MERTK: variants seen among roughly 807,000 people sequenced by gnomAD.
MERTK encodes the protein tyrosine-protein kinase Mer.
Under a neutral mutation model 99.3 loss-of-function variants are expected in MERTK, and 69 were observed. That is an observed-to-expected ratio of 0.70 (90% CI 0.57 to 0.85). MERTK has a LOEUF of 0.85. Ranked by LOEUF, MERTK falls within the 40% of genes least tolerant of loss-of-function variation. MERTK has a pLI of 0.00. For synonymous variants in MERTK, 426 were observed against 467.6 expected (o/e 0.91, Z 1.15); for missense variants, 1,125 against 1,249.4 (o/e 0.90, Z 1.50).
rs543045364 is a variant in MERTK, at chr2:111,905,561, G to A, written c.61+6765G>A. Among the ~76,000 whole-genome samples the A allele has an allele frequency of 6.5e-4, 96 of 148,226 alleles. 1 individual carries two copies. The highest frequency in any genetic ancestry group is 2.3e-3 in the African/African-American group (94 of 40,360). ...GATTGAACCCAGGGTTCAACCTCCT[G>A]GGTTCAAGCGGTTCTCCTGTCTCAG... On this transcript the variant is annotated intron_variant, in intron 1 of 18. Transcript: ENST00000295408.
chr2:112,008,076 C>T (rs1677021114), intron 13 of MERTK, among the ~76,000 whole-genome samples: 1 of 152,128 alleles, frequency 6.6e-6, no homozygotes, highest in South Asian at 2.1e-4. Flanking sequence ...CCATATTTTA[C>T]ATTAGGGTTC....
chr2:111,925,290 ATATTTTTTTTTTTTTT>A (rs1684538083), intron 1 of MERTK, among the ~76,000 whole-genome samples: 1 of 31,508 alleles, frequency 3.2e-5, no homozygotes, highest in South Asian at 1.3e-3. Flanking sequence ...ATATATATAT[ATATTTTTTTTTTTTTT>A]TTTTTTTTTT....
chr2:112,022,487 A>G (rs6735717), intron 18 of MERTK, 93 bp downstream of exon 18: 65,737 of 1,580,890 alleles, frequency 0.042, 2,221 homozygotes, highest in African/African-American at 0.18. Context: ...GGGAGGGGAA[A>G]GGGACTGCTG....
intron 1 of MERTK, among the ~76,000 whole-genome samples, chr2:111,918,348 G>A (rs1030819534): frequency 3.3e-5 from 5 of 152,180 alleles, no homozygotes; most frequent in African/African-American, 1.2e-4. Flanking sequence ...CGGCTTTTTA[G>A]TAATAGTAAT....
chr2:111,982,998 G>A lies in MERTK; in HGVS notation c.1296+5G>A, dbSNP rs1553454799. The A allele has an allele frequency of 6.2e-7, 1 of 1,611,080 alleles. No homozygotes were observed. Among genetic ancestry groups the A allele is most frequent in the Non-Finnish European group, 8.5e-7 (1 of 1,179,118 alleles). On this transcript the variant is annotated splice_donor_5th_base_variant and intron_variant, in intron 8 of 18. Coordinates refer to ENST00000295408, the MANE Select transcript of MERTK (RefSeq NM_006343.3). ...TGGCAGAGTGCAGGGATTTCCGTAA[G>A]TCTAAACCCTAGAAGAGCACGATTA...
chr2:112,019,365 T>C, intron 15 of MERTK, 48 bp from the exon 16 acceptor site: 1 of 1,446,228 alleles, frequency 6.9e-7, no homozygotes, highest in Non-Finnish European at 9.7e-7. Flanking sequence ...GCTTGCAAGT[T>C]TTCCTTTTTA....
At chr2:111,987,284 A>G (rs1272700261) in intron 8 of MERTK, among the ~76,000 whole-genome samples, 2 of 152,204 alleles carry the variant, frequency 1.3e-5, no homozygotes, top group East Asian at 3.8e-4. Context: ...CATTCCCGCA[A>G]CAGTCATGTC....
At chr2:111,987,324 A>C (rs1676501130) in intron 8 of MERTK, among the ~76,000 whole-genome samples, 1 of 152,194 alleles carries the variant, frequency 6.6e-6, no homozygotes, top group Non-Finnish European at 1.5e-5. Flanking sequence ...TTTGATCTTT[A>C]CTGAATGGAT....
intron 8 of MERTK, 33 bp downstream of exon 8, chr2:111,983,026 C>A: frequency 6.3e-7 from 1 of 1,593,484 alleles, no homozygotes; most frequent in South Asian, 1.1e-5. Context: ...CACGATTAGT[C>A]ATCTCCTTTC....
chr2:112,004,114 A>G, intron 13 of MERTK, 130 bp downstream of exon 13: 1 of 757,714 alleles, frequency 1.3e-6, no homozygotes, highest in Non-Finnish European at 2.4e-6. Context: ...ACTGGTCACC[A>G]AGGGGGACTT....
chr2:111,902,349 C>T (rs1000559081), intron 1 of MERTK, among the ~76,000 whole-genome samples: 1 of 152,212 alleles, frequency 6.6e-6, no homozygotes, highest in East Asian at 1.9e-4. Flanking sequence ...ACCTTGAACA[C>T]ACATGTGAAA....
intron 1 of MERTK, among the ~76,000 whole-genome samples, chr2:111,922,547 A>C (rs907453116): frequency 2.0e-4 from 31 of 152,230 alleles, no homozygotes; most frequent in Non-Finnish European, 3.4e-4. Flanking sequence ...CGCAGGGCCC[A>C]GACCTGGCTT....
At chr2:111,908,207 C>T (rs1684176055) in intron 1 of MERTK, among the ~76,000 whole-genome samples, 1 of 152,184 alleles carries the variant, frequency 6.6e-6, no homozygotes, top group African/African-American at 2.4e-5. Context: ...GCCAAGTGCC[C>T]TTAGGATTTT....
chr2:111,924,264 G>A (rs555171283), intron 1 of MERTK, among the ~76,000 whole-genome samples: 3 of 152,084 alleles, frequency 2.0e-5, no homozygotes, highest in Non-Finnish European at 4.4e-5. Context: ...CTTTATTCCC[G>A]TTGGCAACCC....
chr2:111,937,970 A>G (rs960087010), intron 2 of MERTK, among the ~76,000 whole-genome samples: 1 of 152,136 alleles, frequency 6.6e-6, no homozygotes, highest in African/African-American at 2.4e-5. Context: ...TGAGTATACA[A>G]TTCAGTGGCA....
intron 15 of MERTK, among the ~76,000 whole-genome samples, chr2:112,015,564 A>T (rs928856970): frequency 6.6e-6 from 1 of 152,056 alleles, no homozygotes; most frequent in Non-Finnish European, 1.5e-5. Flanking sequence ...AGTTCTTTAT[A>T]TGTTCTAAAT....
intron 16 of MERTK, 56 bp from the exon 17 acceptor site, chr2:112,021,366 C>G: frequency 6.2e-7 from 1 of 1,608,954 alleles, no homozygotes; most frequent in African/African-American, 1.3e-5. Context: ...TGATACAGAC[C>G]AGTAATTTAA....
chr2:111,921,610 C>T (rs1684460676), intron 1 of MERTK, among the ~76,000 whole-genome samples: 1 of 152,060 alleles, frequency 6.6e-6, no homozygotes, highest in Admixed American at 6.6e-5. Context: ...GGTGAGGAAA[C>T]AGCATACCTC....
intron 12 of MERTK, chr2:112,003,535 A>T (rs1440866474): frequency 5.9e-6 from 2 of 336,762 alleles, no homozygotes; most frequent in African/African-American, 2.1e-5. Context: ...TTAGGAACAA[A>T]AATGAAAATA....
Sources: gnomAD v4.1 joint callset for allele counts (sites outside exome capture counted in the v4.1 genomes callset) on GRCh38, gnomAD v4.1.1 for gene constraint, MANE v1.5 for transcripts, NCBI Gene and HGNC (gene_info 2026-07-23, HGNC 2026-07-21) for gene names.